Variants in GOLGA4 observed in about 807,000 individuals in gnomAD.
GOLGA4 encodes the protein golgin A4.
In GOLGA4, 169 loss-of-function variants were observed where a neutral mutation model predicts 265.9. The observed-to-expected ratio is 0.64, with a 90% confidence interval of 0.56 to 0.72. The LOEUF (loss-of-function observed/expected upper bound fraction) is 0.72. GOLGA4 is among the 30% of genes least tolerant of loss of function. The pLI is 0.00. For missense variants in GOLGA4, 2,482 were observed against 2,483.4 expected (o/e 1.00, Z 0.01); for synonymous variants, 923 against 855.8 (o/e 1.08, Z -1.37).
intron 16 of GOLGA4, among the ~76,000 whole-genome samples, chr3:37,333,772 A>G (rs535837808): frequency 6.6e-6 from 1 of 152,342 alleles, no homozygotes; most frequent in South Asian, 2.1e-4. Flanking sequence ...GATATCTAGT[A>G]GAGATCTCTG....
At chr3:37,338,009 A>G (rs942233321) in intron 19 of GOLGA4, among the ~76,000 whole-genome samples, 1 of 152,204 alleles carries the variant, frequency 6.6e-6, no homozygotes, top group Admixed American at 6.5e-5. Flanking sequence ...TCTACAAAGA[A>G]GTTATTTTTT....
At chr3:37,346,563 G>A (rs1199901550) in intron 20 of GOLGA4, among the ~76,000 whole-genome samples, 1 of 148,222 alleles carries the variant, frequency 6.7e-6, no homozygotes, top group Non-Finnish European at 1.5e-5. Context: ...ATATTCTCTT[G>A]TTGGTGGGCA....
At chr3:37,340,877 A>C (rs908906861) in intron 20 of GOLGA4, among the ~76,000 whole-genome samples, 7 of 152,262 alleles carry the variant, frequency 4.6e-5, no homozygotes, top group African/African-American at 1.7e-4. Flanking sequence ...GGAAAGAAAG[A>C]TAGTAACCTG....
At chr3:37,247,194 G>A (rs1020709949) in intron 1 of GOLGA4, among the ~76,000 whole-genome samples, 1 of 152,232 alleles carries the variant, frequency 6.6e-6, no homozygotes, top group Non-Finnish European at 1.5e-5. Context: ...GAACTGGGAT[G>A]TCAAATTGAT....
At chr3:37,267,479 T>G (rs2096786850) in intron 2 of GOLGA4, among the ~76,000 whole-genome samples, 1 of 152,254 alleles carries the variant, frequency 6.6e-6, no homozygotes, top group South Asian at 2.1e-4. Context: ...TCATTTGTTT[T>G]TAAGTGACTG....
chr3:37,265,267 A>G (rs2096780571), intron 2 of GOLGA4, among the ~76,000 whole-genome samples: 1 of 152,208 alleles, frequency 6.6e-6, no homozygotes, highest in Non-Finnish European at 1.5e-5. Flanking sequence ...GGTGTGTAGT[A>G]TACAGTTTCT....
chr3:37,358,702 C>T lies in GOLGA4; in HGVS notation c.6664-2541C>T, dbSNP rs80073233. Among the ~76,000 whole-genome samples, 743 of 152,050 alleles carry T rather than the reference C, an allele frequency of 4.9e-3. 9 individuals carry two copies. Among genetic ancestry groups the T allele is most frequent in the African/African-American group, 0.017 (708 of 41,458 alleles). Reference sequence around the variant, plus strand: ...TAGCAATGTGTAGAACTAGTCTTTTCTGGAAAAAGAGACTGGAAAGGTAAA... The same window carrying T: ...TAGCAATGTGTAGAACTAGTCTTTTTTGGAAAAAGAGACTGGAAAGGTAAA... On this transcript the variant is annotated intron_variant, in intron 22 of 23. Transcript: ENST00000361924.
chr3:37,346,865 A>G (rs2097058264), intron 20 of GOLGA4, among the ~76,000 whole-genome samples: 1 of 152,234 alleles, frequency 6.6e-6, no homozygotes, highest in African/African-American at 2.4e-5. Context: ...TGTAAATGAC[A>G]CATAACACAG....
intron 1 of GOLGA4, among the ~76,000 whole-genome samples, chr3:37,244,970 A>T (rs1262024739): frequency 1.3e-5 from 2 of 152,234 alleles, no homozygotes; most frequent in African/African-American, 4.8e-5. Context: ...AGGCACTTCC[A>T]CTTGGGAATG....
chr3:37,354,414 C>A (rs2151067172), intron 21 of GOLGA4, among the ~76,000 whole-genome samples: 2 of 152,076 alleles, frequency 1.3e-5, no homozygotes, highest in Middle Eastern at 6.8e-3. Flanking sequence ...CATCTTGATA[C>A]AAAATAGGGA....
chr3:37,346,529 T>C (rs1159741987), intron 20 of GOLGA4, among the ~76,000 whole-genome samples: 2 of 152,220 alleles, frequency 1.3e-5, no homozygotes, highest in Non-Finnish European at 2.9e-5. Context: ...TTAATAATAA[T>C]ACATTATATC....
chr3:37,299,075 G>T, intron 8 of GOLGA4, 55 bp downstream of exon 8: 1 of 1,399,294 alleles, frequency 7.1e-7, no homozygotes, highest in Non-Finnish European at 9.8e-7. Context: ...AGATCCACAG[G>T]CTCCACAGCA....
intron 1 of GOLGA4, among the ~76,000 whole-genome samples, chr3:37,245,707 A>G (rs2096717438): frequency 6.6e-6 from 1 of 152,114 alleles, no homozygotes; most frequent in African/African-American, 2.4e-5. Context: ...ATCAAATAAA[A>G]TCACTTTGTG....
chr3:37,297,010 A>G (rs1578561969), intron 7 of GOLGA4, among the ~76,000 whole-genome samples: 1 of 152,236 alleles, frequency 6.6e-6, no homozygotes, highest in Non-Finnish European at 1.5e-5. Context: ...TTCTGCTTAC[A>G]TGCTAATAAG....
intron 5 of GOLGA4, among the ~76,000 whole-genome samples, chr3:37,290,461 GATT>G (rs1398976813): frequency 6.6e-6 from 1 of 152,074 alleles, no homozygotes; most frequent in African/African-American, 2.4e-5. Flanking sequence ...ATGAAAGAAA[GATT>G]ATATCATTTA....
chr3:37,323,116 C>CTTT lies in GOLGA4; in HGVS notation c.1702-451_1702-449dup, dbSNP rs567838649. Among the ~76,000 whole-genome samples, 8 of 114,152 alleles carry CTTT rather than the reference C, an allele frequency of 7.0e-5. No homozygotes were observed. The East Asian group carries it at 2.0e-3, about 28-fold the overall frequency. The allele number at this position is 114,152 out of a possible 152,430, so 74.9% of individuals were successfully genotyped here. The stretch of plus-strand genomic sequence containing the variant: ...CATGTAATCTTTTCTTTCCTTTTGT[C>CTTT]TTTTTTTTTTTTTTTTTTTTTTTCC... On this transcript the variant is annotated intron_variant, in intron 13 of 23. Coordinates refer to ENST00000361924, the MANE Select transcript of GOLGA4 (RefSeq NM_002078.5).
intron 2 of GOLGA4, chr3:37,276,440 A>G (rs897617788): frequency 1.9e-6 from 3 of 1,610,034 alleles, no homozygotes; most frequent in African/African-American, 2.7e-5. Context: ...AGAGCATCAG[A>G]TGGCCAAGAC....
At position 37,326,737 on chromosome 3, in the gene GOLGA4, C is replaced by G. The variant is rs1312295745; in HGVS notation, c.4851C>G (p.Ser1617Arg). 3 of 1,613,258 alleles carry G rather than the reference C, an allele frequency of 1.9e-6. No individual in the cohort carries two copies. The South Asian group carries it at 3.3e-5, about 18-fold the overall frequency. Residue 1617 changes from serine to arginine, a missense_variant, in exon 14 of 24, where the codon AGC becomes AGG. Transcript: ENST00000361924. ...ELEHVNLSVK[S>R]KEEELKALED... ...AACATGTGAATTTAAGTGTGAAAAG[C>G]AAAGAGGAGGAGTTAAAGGCATTGG...
intron 1 of GOLGA4, 107 bp downstream of exon 1, chr3:37,243,729 C>A: frequency 1.1e-6 from 1 of 882,102 alleles, no homozygotes; most frequent in Non-Finnish European, 1.8e-6. Context: ...CCTTTAACCC[C>A]TAACCCGCAC....
Sources: gnomAD v4.1 joint callset for allele counts (sites outside exome capture counted in the v4.1 genomes callset) on GRCh38, gnomAD v4.1.1 for gene constraint, MANE v1.5 for transcripts, NCBI Gene and HGNC (gene_info 2026-07-23, HGNC 2026-07-21) for gene names.